Variants in ARHGEF12 observed in about 807,000 individuals in gnomAD.
ARHGEF12 encodes the protein Rho guanine nucleotide exchange factor 12.
ARHGEF12 carries 66 observed loss-of-function variants against 211.2 expected under a neutral mutation model. The observed-to-expected ratio is 0.31, with a 90% CI of 0.26 to 0.38. The LOEUF (loss-of-function observed/expected upper bound fraction) is 0.38, where lower values mean the gene tolerates loss of function less well. Ranked by LOEUF, ARHGEF12 falls within the 10% of genes least tolerant of loss-of-function variation. ARHGEF12 has a pLI of 1.00. For missense variants in ARHGEF12, 1,429 were observed against 1,869.5 expected, an observed-to-expected ratio of 0.76 and a Z score of 4.34; for synonymous variants, 592 against 638.4, an observed-to-expected ratio of 0.93 and a Z score of 1.09.
intron 38 of ARHGEF12, among the ~76,000 whole-genome samples, chr11:120,480,842 A>T (rs555710842): frequency 6.6e-6 from 1 of 152,170 alleles, no homozygotes; most frequent in Non-Finnish European, 1.5e-5. Context: ...AAATGAGGGA[A>T]TAAAGCCGGG....
chr11:120,336,856 T>A lies in ARHGEF12; in HGVS notation c.-388T>A, dbSNP rs1165405018. On this transcript the variant is annotated 5_prime_UTR_variant, in exon 1 of 41. Coordinates refer to ENST00000397843, the MANE Select transcript of ARHGEF12 (RefSeq NM_015313.3). ...GGCGGGGAGTTCGAGGCCCCGAGAC[T>A]CCGGAGGAGGAGCCGACACCCGTCC... is the stretch of plus-strand genomic sequence containing the variant. 1.1e-5 allele frequency: 4 copies of A among 373,292 alleles called. No homozygotes were observed. The highest frequency in any genetic ancestry group is 9.1e-5 in the Admixed American group (2 of 21,896). 23.1% of individuals were successfully genotyped at this position (373,292 alleles called of 1,614,324 possible). A position where few individuals can be genotyped will look rare whatever the true frequency, so the allele number is the denominator to read the frequency against.
intron 1 of ARHGEF12, among the ~76,000 whole-genome samples, chr11:120,376,797 C>T (rs372943517): frequency 2.6e-5 from 4 of 152,274 alleles, no homozygotes; most frequent in African/African-American, 9.6e-5. Context: ...CCCAACCCCC[C>T]ACTACCCTTC....
intron 36 of ARHGEF12, among the ~76,000 whole-genome samples, chr11:120,477,862 C>CAAAAAAAAAAAAAAAA (rs528182938): frequency 5.8e-5 from 4 of 69,340 alleles, no homozygotes; most frequent in Non-Finnish European, 1.2e-4. Context: ...ACCGAAACAC[C>CAAAAAAAAAAAAAAAA]AAAAAAAAAA....
At chr11:120,440,914 A>C (rs1177398436) in intron 13 of ARHGEF12, among the ~76,000 whole-genome samples, 2 of 152,104 alleles carry the variant, frequency 1.3e-5, no homozygotes, top group African/African-American at 4.8e-5. Flanking sequence ...TCATCACTGG[A>C]TGTTGAATTT....
chr11:120,460,805 G>A (rs753009694), intron 27 of ARHGEF12, 48 bp downstream of exon 27: 3 of 1,481,714 alleles, frequency 2.0e-6, no homozygotes, highest in Non-Finnish European at 2.8e-6. Context: ...GACACTTGAT[G>A]GTTAGATTCA....
intron 1 of ARHGEF12, among the ~76,000 whole-genome samples, chr11:120,371,701 G>T (rs982759983): frequency 6.6e-6 from 1 of 151,980 alleles, no homozygotes; most frequent in Admixed American, 6.5e-5. Context: ...TAATTATGAG[G>T]GCTAATACAG....
At chr11:120,418,776 A>G (rs1332136712) in intron 4 of ARHGEF12, among the ~76,000 whole-genome samples, 1 of 152,182 alleles carries the variant, frequency 6.6e-6, no homozygotes, top group Non-Finnish European at 1.5e-5. Context: ...TGACGACTGC[A>G]GCTGTTAAGC....
At chr11:120,367,027 G>C (rs567094051) in intron 1 of ARHGEF12, among the ~76,000 whole-genome samples, 44 of 149,656 alleles carry the variant, frequency 2.9e-4, no homozygotes, top group African/African-American at 1.1e-3. Context: ...AAAAAAAAAA[G>C]AAATTTAATA....
intron 6 of ARHGEF12, among the ~76,000 whole-genome samples, chr11:120,423,431 G>A (rs1945255173): frequency 6.6e-6 from 1 of 152,116 alleles, no homozygotes; most frequent in African/African-American, 2.4e-5. Context: ...GTGTACAAAT[G>A]TGAAGTCGTG....
chr11:120,450,434 G>A (rs1479428088), intron 21 of ARHGEF12: 1 of 149,240 alleles, frequency 6.7e-6, no homozygotes, highest in African/African-American at 2.5e-5. Context: ...GATTGTGATA[G>A]TGAGTGTCCC....
chr11:120,364,512 A>G (rs184570926), intron 1 of ARHGEF12, among the ~76,000 whole-genome samples: 54 of 152,344 alleles, frequency 3.5e-4, no homozygotes, highest in African/African-American at 1.1e-3. Flanking sequence ...TTTTATACAA[A>G]GAGATCACCC....
At chr11:120,447,694 T>G (rs978188547) in intron 18 of ARHGEF12, among the ~76,000 whole-genome samples, 180 bp from the exon 19 acceptor site, 2 of 152,150 alleles carry the variant, frequency 1.3e-5, no homozygotes, top group Non-Finnish European at 2.9e-5. Context: ...GGCACTCCTG[T>G]AATCCCAGCT....
intron 29 of ARHGEF12, among the ~76,000 whole-genome samples, chr11:120,467,733 C>G (rs1946750602): frequency 6.6e-6 from 1 of 151,712 alleles, no homozygotes. Context: ...CCATACCCAG[C>G]CAAGATTTTC....
chr11:120,370,206 A>T (rs557459450), intron 1 of ARHGEF12, among the ~76,000 whole-genome samples: 66 of 152,222 alleles, frequency 4.3e-4, no homozygotes, highest in Admixed American at 3.5e-3. Flanking sequence ...TTATTCTTTC[A>T]TGTGGAGAAT....
Position 120,425,549 on chromosome 11 carries a change from A to G in ARHGEF12, c.406+1134A>G, listed in dbSNP as rs1128823. Among the ~76,000 whole-genome samples the G allele has an allele frequency of 3.4e-4, 52 of 151,610 alleles. No homozygotes were observed. The Middle Eastern group carries it at 0.021, about 60-fold the overall frequency. ...TCAAACTCCTGGGCTCACCCATCTC[A>G]GCCTCCTAAAGCGCTGGGATTACAG... On this transcript the variant is annotated intron_variant, in intron 7 of 40. Transcript: ENST00000397843.
chr11:120,379,554 G>T (rs1943822227), intron 1 of ARHGEF12, among the ~76,000 whole-genome samples: 1 of 151,698 alleles, frequency 6.6e-6, no homozygotes, highest in African/African-American at 2.4e-5. Flanking sequence ...GTTTGGGGAA[G>T]TTACCTTCTA....
intron 1 of ARHGEF12, among the ~76,000 whole-genome samples, chr11:120,354,843 G>A (rs927264450): frequency 4.6e-5 from 7 of 152,322 alleles, no homozygotes; most frequent in African/African-American, 1.7e-4. Flanking sequence ...AGTGCTCTTC[G>A]AAGGAGTCGT....
chr11:120,440,027 A>T, intron 12 of ARHGEF12, 102 bp from the exon 13 acceptor site: 1 of 808,432 alleles, frequency 1.2e-6, no homozygotes, highest in South Asian at 1.7e-5. Flanking sequence ...AAGAAATCTC[A>T]CCATTTAAGT....
intron 32 of ARHGEF12, 28 bp from the exon 33 acceptor site, chr11:120,475,312 C>G: frequency 6.2e-7 from 1 of 1,602,818 alleles, no homozygotes; most frequent in Admixed American, 1.7e-5. Context: ...TCTGTACTTA[C>G]CATTTTTTTC....
Sources: allele counts gnomAD v4.1 joint callset (sites outside exome capture counted in the v4.1 genomes callset), GRCh38; gene constraint gnomAD v4.1.1; transcripts MANE v1.5; gene names NCBI Gene and HGNC (gene_info 2026-07-23, HGNC 2026-07-21).